CREB5: variants seen among roughly 807,000 people sequenced by gnomAD.
The protein encoded by CREB5 is cyclic AMP-responsive element-binding protein 5.
CREB5 carries 19 observed loss-of-function variants against 57.1 expected under a neutral mutation model. The observed-to-expected ratio is 0.33, with a 90% confidence interval of 0.23 to 0.49. The LOEUF (loss-of-function observed/expected upper bound fraction) is 0.49, where lower values mean the gene tolerates loss of function less well. Ranked by LOEUF, CREB5 falls within the 20% of genes least tolerant of loss-of-function variation. CREB5 has a pLI of 0.99. For synonymous variants in CREB5, 238 were observed against 238.3 expected (o/e 1.00, Z 0.01); for missense variants, 579 against 671.6 (o/e 0.86, Z 1.52).
In CREB5 at chr7:28,513,955, A is replaced by G. The variant is rs367824103; in HGVS notation, c.291+6218A>G. On this transcript the variant is annotated intron_variant, in intron 4 of 10. Coordinates refer to ENST00000357727, the MANE Select transcript of CREB5 (RefSeq NM_182898.4). ...TGAAAAGACAGGGTATCCTGAAAGT[A>G]GCAATATACATAGTCTATTGTCTTG... 24 of 152,336 alleles carry G rather than the reference A, an allele frequency of 1.6e-4. No individual in the cohort carries two copies. The East Asian group carries it at 3.9e-3, about 25-fold the overall frequency. 9.4% of individuals were successfully genotyped at this position (152,336 alleles called of 1,614,324 possible). A position where few individuals can be genotyped will look rare whatever the true frequency, so the allele number is the denominator to read the frequency against.
chr7:28,677,463 G>A lies in CREB5; in HGVS notation c.465-41290G>A, dbSNP rs1423241773. Among the ~76,000 whole-genome samples the A allele has an allele frequency of 5.9e-5, 9 of 152,108 alleles. No homozygotes were observed. In the South Asian group the frequency reaches 1.9e-3, roughly 32 times the overall value. ...TGATGTTTGCTGGTTGGAGTGCCAG[G>A]CCAAGGGTCAGCCTTCAAGGGATTG... On this transcript the variant is annotated intron_variant, in intron 5 of 10. Transcript: ENST00000357727.
At chr7:28,479,826 C>A (rs1177735158) in intron 1 of CREB5, among the ~76,000 whole-genome samples, 1 of 152,170 alleles carries the variant, frequency 6.6e-6, no homozygotes, top group African/African-American at 2.4e-5. Context: ...TAGTCTCTTC[C>A]TGGTTTCGCC....
chr7:28,401,248 G>T (rs894264650), intron 1 of CREB5, among the ~76,000 whole-genome samples: 1 of 151,980 alleles, frequency 6.6e-6, no homozygotes, highest in Admixed American at 6.6e-5. Flanking sequence ...TTTCAGCCAG[G>T]TTCAAGAGAA....
At chr7:28,506,431 G>T (rs1792481634) in intron 3 of CREB5, among the ~76,000 whole-genome samples, 1 of 152,162 alleles carries the variant, frequency 6.6e-6, no homozygotes. Flanking sequence ...AGATCAAGCT[G>T]GGAAAATGCC....
At chr7:28,805,525 G>C (rs1340582814) in intron 8 of CREB5, among the ~76,000 whole-genome samples, 1 of 152,154 alleles carries the variant, frequency 6.6e-6, no homozygotes, top group East Asian at 1.9e-4. Flanking sequence ...TGCCTCTGGA[G>C]ACGTGACTTT....
intron 1 of CREB5, among the ~76,000 whole-genome samples, chr7:28,431,999 T>G (rs1374238730): frequency 2.0e-5 from 3 of 148,508 alleles, no homozygotes; most frequent in Non-Finnish European, 3.0e-5. Context: ...TTTTTTTTTT[T>G]GCTTTTTTTT....
At position 28,451,450 on chromosome 7, in the gene CREB5, CTGTGTGTGTGTGTGTGTGTGTGTG is replaced by C. The variant is rs6150047; in HGVS notation, c.4-36705_4-36682del. Among the ~76,000 whole-genome samples the C allele has an allele frequency of 4.8e-5, 7 of 147,028 alleles. No homozygotes were observed. The East Asian group carries it at 6.1e-4, about 13-fold the overall frequency. Reference sequence around the variant, plus strand: ...GGTGCCATTCTGTCCCTTTGCCAAACTGTGTGTGTGTGTGTGTGTGTGTGTGTGTGTGTGTGTGTGTGTTTGTCT... The same window carrying C: ...GGTGCCATTCTGTCCCTTTGCCAAACTGTGTGTGTGTGTGTGTGTTTGTCT... On this transcript the variant is annotated intron_variant, in intron 1 of 10. Transcript: ENST00000357727.
chr7:28,627,803 T>A (rs1302070149), intron 5 of CREB5, among the ~76,000 whole-genome samples: 1 of 152,084 alleles, frequency 6.6e-6, no homozygotes, highest in Admixed American at 6.6e-5. Flanking sequence ...AGGGCATTCA[T>A]TAGAAATTAT....
rs747120884 is a variant in CREB5 at position 28,804,250 on chromosome 7, A to G, written c.754A>G (p.Met252Val). 3.5e-5 allele frequency: 56 copies of G among 1,614,052 alleles called. No individual in the cohort carries two copies. The highest frequency in any genetic ancestry group is 4.4e-5 in the Non-Finnish European group (52 of 1,180,042). Residue 252 changes from methionine to valine, a missense_variant, in exon 8 of 11, where the codon ATG (methionine) becomes GTG (valine). Coordinates refer to ENST00000357727, the MANE Select transcript of CREB5 (RefSeq NM_182898.4). ...CCCTGCTGCCATGTCAAATGGGAAC[A>G]TGAACACCATGGGACACATGATGGA... ...HHPAAMSNGN[M>V]NTMGHMMEMM...
chr7:28,667,107 CT>C (rs1012465697), intron 5 of CREB5, among the ~76,000 whole-genome samples: 1 of 151,932 alleles, frequency 6.6e-6, no homozygotes, highest in African/African-American at 2.4e-5. Flanking sequence ...GTAGAAAATT[CT>C]GTCTGACCGT....
intron 1 of CREB5, among the ~76,000 whole-genome samples, chr7:28,376,862 A>G (rs762525674): frequency 1.3e-5 from 2 of 152,226 alleles, no homozygotes; most frequent in Non-Finnish European, 2.9e-5. Context: ...ATGTATTTAC[A>G]TAACTAGGTT....
At chr7:28,469,737 T>TA in intron 1 of CREB5, among the ~76,000 whole-genome samples, 1 of 152,344 alleles carries the variant, frequency 6.6e-6, no homozygotes, top group East Asian at 1.9e-4. Context: ...TTACAGATGT[T>TA]AACTCTTTTA....
At chr7:28,308,590 T>G (rs1407007369) in intron 1 of CREB5, among the ~76,000 whole-genome samples, 1 of 152,214 alleles carries the variant, frequency 6.6e-6, no homozygotes, top group East Asian at 1.9e-4. Context: ...TATTGTGTGC[T>G]GGTGGTGAAT....
intron 5 of CREB5, among the ~76,000 whole-genome samples, chr7:28,594,354 C>T (rs1796625558): frequency 6.6e-6 from 1 of 152,176 alleles, no homozygotes; most frequent in African/African-American, 2.4e-5. Context: ...GTCTGTTCAA[C>T]TTAAAGGTAA....
At chr7:28,395,070 T>A (rs1787309476) in intron 1 of CREB5, among the ~76,000 whole-genome samples, 1 of 152,050 alleles carries the variant, frequency 6.6e-6, no homozygotes, top group Non-Finnish European at 1.5e-5. Context: ...GAGAAAAAAA[T>A]TTAGGGTTTT....
chr7:28,561,035 T>TGTGC (rs1795251917), intron 4 of CREB5, among the ~76,000 whole-genome samples: 1 of 87,768 alleles, frequency 1.1e-5, no homozygotes, highest in African/African-American at 3.7e-5. Flanking sequence ...CGTGTGTGTG[T>TGTGC]GTGTGTGTGA....
chr7:28,660,134 T>C (rs1217641565), intron 5 of CREB5, among the ~76,000 whole-genome samples: 2 of 152,222 alleles, frequency 1.3e-5, no homozygotes, highest in Non-Finnish European at 2.9e-5. Context: ...AAAAATGTGC[T>C]GTGCATAGTA....
At chr7:28,492,102 C>T (rs530941953) in intron 2 of CREB5, among the ~76,000 whole-genome samples, 6 of 152,264 alleles carry the variant, frequency 3.9e-5, no homozygotes, top group African/African-American at 9.6e-5. Context: ...CAGGTTCAAG[C>T]GATTCTCCTG....
intron 5 of CREB5, among the ~76,000 whole-genome samples, chr7:28,583,788 C>T (rs1796206753): frequency 6.6e-6 from 1 of 152,154 alleles, no homozygotes; most frequent in African/African-American, 2.4e-5. Context: ...AAGCGATTCT[C>T]CTGCCTCAGC....
Sources: gnomAD v4.1 joint callset for allele counts (sites outside exome capture counted in the v4.1 genomes callset) on GRCh38, gnomAD v4.1.1 for gene constraint, MANE v1.5 for transcripts, NCBI Gene and HGNC (gene_info 2026-07-23, HGNC 2026-07-21) for gene names.